HDHD2: variants seen among roughly 807,000 people sequenced by gnomAD.
HDHD2 encodes the protein haloacid dehalogenase-like hydrolase domain-containing protein 2.
A neutral mutation model predicts 24.8 loss-of-function variants in HDHD2; 26 were observed. The observed-to-expected ratio is 1.05, with a 90% CI of 0.77 to 1.45. The LOEUF is 1.45. Among genes scored for constraint, HDHD2 ranks in the 40% most tolerant of loss-of-function variants. The pLI, the probability that HDHD2 is intolerant of heterozygous loss-of-function variation, is 0.00. For missense variants in HDHD2, 299 were observed against 313.4 expected (o/e 0.95, Z 0.35); for synonymous variants, 128 against 114.9 (o/e 1.11, Z -0.73).
At chr18:47,139,990 C>T (rs926439566) in intron 1 of HDHD2, among the ~76,000 whole-genome samples, 2 of 152,278 alleles carry the variant, frequency 1.3e-5, no homozygotes, top group South Asian at 4.1e-4. Context: ...CCTGTAAGAA[C>T]CTGGTCAGTT....
chr18:47,127,563 T>C (rs1303100865), intron 4 of HDHD2, among the ~76,000 whole-genome samples: 7 of 152,154 alleles, frequency 4.6e-5, no homozygotes, highest in African/African-American at 1.4e-4. Flanking sequence ...AAGTGACTTG[T>C]TTGTCTTCCT....
intron 4 of HDHD2, among the ~76,000 whole-genome samples, chr18:47,118,907 G>C (rs889954110): frequency 6.6e-6 from 1 of 152,098 alleles, no homozygotes; most frequent in Non-Finnish European, 1.5e-5. Context: ...CAAATACAGG[G>C]ATATCTATGA....
intron 4 of HDHD2, among the ~76,000 whole-genome samples, chr18:47,127,847 G>A (rs1479072485): frequency 6.6e-6 from 1 of 152,174 alleles, no homozygotes; most frequent in Non-Finnish European, 1.5e-5. Context: ...GCAGCATAAT[G>A]TGAAGTTTGA....
Position 47,142,457 on chromosome 18 carries a change from C to G in HDHD2, c.-10-6008G>C, listed in dbSNP as rs77348314. Among the ~76,000 whole-genome samples the G allele has an allele frequency of 6.4e-4, 97 of 152,092 alleles. 1 individual carries two copies. In the East Asian group the frequency reaches 0.016, roughly 25 times the overall value. On this transcript the variant is annotated intron_variant, in intron 1 of 6. Transcript: ENST00000300605. ...CTGGAGAAGAGTGGCAAAAAAACCC[C>G]AAAAAACCCTAAAACCAGCAAGCTA...
At chr18:47,109,089 C>A in intron 6 of HDHD2, 1 of 311,724 alleles carries the variant, frequency 3.2e-6, no homozygotes, top group Non-Finnish European at 5.8e-6. Flanking sequence ...TTTTCTTTCC[C>A]CTACCCTCAG....
chr18:47,142,146 C>T (rs1407835918), intron 1 of HDHD2, among the ~76,000 whole-genome samples: 15 of 152,080 alleles, frequency 9.9e-5, no homozygotes, highest in Admixed American at 9.8e-4. Flanking sequence ...TATGTCCTTA[C>T]AGCAGCGTGA....
intron 1 of HDHD2, 41 bp from the exon 2 acceptor site, chr18:47,136,490 A>G (rs2063767532): frequency 1.3e-6 from 2 of 1,545,284 alleles, no homozygotes; most frequent in Admixed American, 3.4e-5. Context: ...AGTTTAGGAA[A>G]CAATGGACAA....
Position 47,150,479 on chromosome 18 carries a change from T to G in HDHD2, c.-112A>C, listed in dbSNP as rs2144411544. ...CAGCCGGGATAGACAGCCCCGCTGC[T>G]GCCCGACGGACGCCGGAAGTTGGGC... is the stretch of plus-strand genomic sequence containing the variant. On this transcript the variant is annotated 5_prime_UTR_variant, in exon 1 of 7. Transcript: ENST00000300605. The G allele has an allele frequency of 6.6e-6, 1 of 152,364 alleles. No homozygotes were observed. Among genetic ancestry groups the G allele is most frequent in the Non-Finnish European group, 1.5e-5 (1 of 68,060 alleles). The allele number at this position is 152,364 out of a possible 1,614,324, so 9.4% of individuals were successfully genotyped here.
chr18:47,134,660 G>C lies in HDHD2; in HGVS notation c.146C>G (p.Thr49Ser). ...TAACAGGTCTTGCTTGCTCTCTTTG[G>C]TTGTATTGGTCACAAACCTAATGAT... ...SVIIRFVTNT[T>S]KESKQDLLER... Residue 49 changes from threonine to serine, a missense_variant, in exon 3 of 7, where the codon ACC (threonine) becomes AGC (serine). Coordinates refer to ENST00000300605, the MANE Select transcript of HDHD2 (RefSeq NM_032124.5). 6.2e-7 allele frequency: 1 copy of C among 1,614,060 alleles called. No homozygotes were observed. The highest frequency in any genetic ancestry group is 8.5e-7 in the Non-Finnish European group (1 of 1,179,990).
chr18:47,118,826 G>A (rs191360760), intron 4 of HDHD2, among the ~76,000 whole-genome samples: 1 of 152,308 alleles, frequency 6.6e-6, no homozygotes, highest in East Asian at 1.9e-4. Context: ...CATCTGAGAT[G>A]CTGGCACCAA....
At chr18:47,118,021 T>TAA (rs2063571419) in intron 4 of HDHD2, among the ~76,000 whole-genome samples, 1 of 151,636 alleles carries the variant, frequency 6.6e-6, no homozygotes. Context: ...TACATATATA[T>TAA]AATTATATTT....
At position 47,108,103 on chromosome 18, in the gene HDHD2, C is replaced by A. The variant is rs1047806125; in HGVS notation, c.*579G>T. 1 of 152,586 alleles carries A rather than the reference C, an allele frequency of 6.6e-6. No homozygotes were observed. Among genetic ancestry groups the A allele is most frequent in the African/African-American group, 2.4e-5 (1 of 41,432 alleles). 9.5% of individuals were successfully genotyped at this position (152,586 alleles called of 1,614,324 possible). A position where few individuals can be genotyped will look rare whatever the true frequency, so the allele number is the denominator to read the frequency against. The stretch of plus-strand genomic sequence containing the variant: ...GGCTAATGAAGAGAAAAAGAAGTCA[C>A]CCGTGCTGGGAATACAGTAGAAAAT... On this transcript the variant is annotated 3_prime_UTR_variant, in exon 7 of 7. Coordinates refer to ENST00000300605, the MANE Select transcript of HDHD2 (RefSeq NM_032124.5).
chr18:47,113,746 G>GAA (rs2063534628), intron 5 of HDHD2, among the ~76,000 whole-genome samples: 1 of 151,852 alleles, frequency 6.6e-6, no homozygotes. Flanking sequence ...CATGCCTGAA[G>GAA]AAAGTTTTTT....
At chr18:47,145,903 A>G (rs1397682028) in intron 1 of HDHD2, among the ~76,000 whole-genome samples, 1 of 152,222 alleles carries the variant, frequency 6.6e-6, no homozygotes, top group Non-Finnish European at 1.5e-5. Context: ...AACCCAATAG[A>G]AAAACTGCAT....
At chr18:47,131,540 G>A (rs1429013897) in intron 3 of HDHD2, among the ~76,000 whole-genome samples, 2 of 152,108 alleles carry the variant, frequency 1.3e-5, no homozygotes, top group African/African-American at 4.8e-5. Context: ...TGAGCACTGG[G>A]TTGTCATTAC....
chr18:47,134,429 C>T, intron 3 of HDHD2, 67 bp downstream of exon 3: 1 of 1,062,998 alleles, frequency 9.4e-7, no homozygotes, highest in Non-Finnish European at 1.4e-6. Flanking sequence ...TCTAAACATC[C>T]AGTTTTAAAA....
chr18:47,132,539 C>T (rs2063723204), intron 3 of HDHD2, among the ~76,000 whole-genome samples: 1 of 152,216 alleles, frequency 6.6e-6, no homozygotes, highest in South Asian at 2.1e-4. Flanking sequence ...ATATTCCTGT[C>T]AGCACTCAGA....
intron 4 of HDHD2, 111 bp downstream of exon 4, chr18:47,130,133 A>T: frequency 1.6e-6 from 1 of 622,004 alleles, no homozygotes; most frequent in Non-Finnish European, 2.8e-6. Context: ...ATCCTAATGT[A>T]CAATTTAGGT....
chr18:47,110,135 G>C (rs7239323), intron 6 of HDHD2: 601,720 of 984,904 alleles, frequency 0.61, 185,065 homozygotes, highest in African/African-American at 0.8. Flanking sequence ...CTTTCAACAA[G>C]AGACCTACTG....
Sources: gnomAD v4.1 joint callset for allele counts (sites outside exome capture counted in the v4.1 genomes callset) on GRCh38, gnomAD v4.1.1 for gene constraint, MANE v1.5 for transcripts, NCBI Gene and HGNC (gene_info 2026-07-23, HGNC 2026-07-21) for gene names.